The following H2BC5 variants were observed in gnomAD, a reference collection of about 807,000 sequenced individuals.
H2BC5 encodes the protein histone H2B type 1-D.
A neutral mutation model predicts 5.7 loss-of-function variants in H2BC5; 9 were observed. The ratio of observed to expected loss-of-function variants is 1.57; its 90% CI spans 0.95 to 2.74. H2BC5 has a LOEUF of 2.74. Ranked by LOEUF, H2BC5 falls within the 30% of genes most tolerant of loss-of-function variation. The pLI, the probability that H2BC5 is intolerant of heterozygous loss-of-function variation, is 0.00. For missense variants in H2BC5, 175 were observed against 168.8 expected, an observed-to-expected ratio of 1.04 and a Z score of -0.20; for synonymous variants, 133 against 70.9, an observed-to-expected ratio of 1.88 and a Z score of -4.40.
chr6:26,166,616 C>T (rs1235240359), intron 1 of H2BC5, among the ~76,000 whole-genome samples: 1 of 151,958 alleles, frequency 6.6e-6, no homozygotes, highest in Non-Finnish European at 1.5e-5. Flanking sequence ...AGAGGAAGCC[C>T]CTTTGGGGCA....
At chr6:26,168,934 CAG>C (rs1764479267) in intron 1 of H2BC5, among the ~76,000 whole-genome samples, 1 of 152,070 alleles carries the variant, frequency 6.6e-6, no homozygotes, top group South Asian at 2.1e-4. Flanking sequence ...GTCCGAGAAA[CAG>C]ATTGGGCCTT....
intron 1 of H2BC5, among the ~76,000 whole-genome samples, chr6:26,168,230 G>A (rs1290671153): frequency 2.0e-5 from 3 of 151,984 alleles, no homozygotes; most frequent in Non-Finnish European, 4.4e-5. Flanking sequence ...AGGCCAAGGC[G>A]GGCAGATCAC....
downstream of H2BC5, chr6:26,163,326 T>C (rs953403077): frequency 6.6e-6 from 1 of 152,152 alleles, no homozygotes; most frequent in Non-Finnish European, 1.5e-5. Flanking sequence ...AGTTTCATTA[T>C]AAAAATTATG....
chr6:26,170,618 A>G (rs959733115), intron 1 of H2BC5, among the ~76,000 whole-genome samples: 3 of 152,356 alleles, frequency 2.0e-5, no homozygotes, highest in Admixed American at 6.5e-5. Context: ...GCACTTAGCA[A>G]TATTTAACAG....
chr6:26,162,773 A>C (rs956951709), downstream of H2BC5, among the ~76,000 whole-genome samples: 11 of 152,164 alleles, frequency 7.2e-5, no homozygotes, highest in African/African-American at 2.7e-4. Flanking sequence ...TCCTGACCTC[A>C]AGTGATCTGC....
downstream of H2BC5, among the ~76,000 whole-genome samples, chr6:26,162,840 G>A (rs752154877): frequency 3.3e-4 from 50 of 151,902 alleles, no homozygotes; most frequent in Middle Eastern, 3.2e-3. Flanking sequence ...TGCCGAGCCC[G>A]GTAGTTTCCT....
intron 1 of H2BC5, among the ~76,000 whole-genome samples, chr6:26,167,148 T>C (rs996398393): frequency 1.4e-5 from 2 of 143,580 alleles, no homozygotes; most frequent in South Asian, 4.6e-4. Context: ...TTAGGACCGA[T>C]GTATCTGTGA....
chr6:26,163,917 A>G (rs548201025), intron 1 of H2BC5, among the ~76,000 whole-genome samples: 15 of 152,226 alleles, frequency 9.9e-5, no homozygotes, highest in South Asian at 2.1e-4. Flanking sequence ...CTGAGACTAC[A>G]GGTGTGAGCC....
Position 26,158,415 on chromosome 6 carries a change from G to T in H2BC5, c.246G>T (p.Ala82=). The change falls in exon 1 of 1, where the codon GCG becomes GCT. Residue 82 remains alanine (A), a synonymous_variant. Coordinates refer to ENST00000377777, the MANE Select transcript of H2BC5 (RefSeq NM_021063.4). ...ERIAGEASRL[A]HYNKRSTITS... Reference sequence around the variant, plus strand: ...TCGCAGGCGAGGCTTCCCGCCTGGCGCATTACAACAAGCGCTCGACCATCA... The same window carrying T: ...TCGCAGGCGAGGCTTCCCGCCTGGCTCATTACAACAAGCGCTCGACCATCA... 1.2e-6 allele frequency: 2 copies of T among 1,614,258 alleles called. No homozygotes were observed. The highest frequency in any genetic ancestry group is 1.7e-6 in the Non-Finnish European group (2 of 1,180,044).
chr6:26,169,810 T>G (rs2113839323), intron 1 of H2BC5, among the ~76,000 whole-genome samples: 1 of 151,542 alleles, frequency 6.6e-6, no homozygotes, highest in African/African-American at 2.4e-5. Flanking sequence ...AATACAAAAA[T>G]TAGCCAGGCA....
chr6:26,161,594 ACC>A (rs966097513), downstream of H2BC5, among the ~76,000 whole-genome samples: 22 of 151,810 alleles, frequency 1.4e-4, no homozygotes, highest in South Asian at 4.2e-4. Context: ...AATATGGCAA[ACC>A]CCCGACTCTA....
At chr6:26,163,236 C>T (rs148703135), downstream of H2BC5, 1 of 152,178 alleles carries the variant, frequency 6.6e-6, no homozygotes, top group African/African-American at 2.4e-5. Context: ...ACCTCAGCCT[C>T]CTGTGTAGCT....
intron 1 of H2BC5, among the ~76,000 whole-genome samples, chr6:26,167,809 G>T (rs1764454704): frequency 6.6e-6 from 1 of 151,996 alleles, no homozygotes; most frequent in Non-Finnish European, 1.5e-5. Context: ...TTGTCATCTG[G>T]CTTTGTAGAG....
chr6:26,163,547 C>T (rs1203405837), downstream of H2BC5: 2 of 152,070 alleles, frequency 1.3e-5, no homozygotes, highest in Admixed American at 1.3e-4. Flanking sequence ...TGGAGGATTC[C>T]CTTCCAAGGT....
At chr6:26,159,960 G>C (rs1308198593), downstream of H2BC5, among the ~76,000 whole-genome samples, 2 of 152,190 alleles carry the variant, frequency 1.3e-5, no homozygotes, top group Non-Finnish European at 2.9e-5. Context: ...AAACTGACCA[G>C]GGTATAGAGC....
At chr6:26,164,206 G>GT in intron 1 of H2BC5, 6 of 421,678 alleles carry the variant, frequency 1.4e-5, no homozygotes, top group South Asian at 1.3e-4. Flanking sequence ...GCAGGAAGCA[G>GT]TGCCCCTCTC....
At chr6:26,165,993 G>A (rs1217639267) in intron 1 of H2BC5, among the ~76,000 whole-genome samples, 1 of 152,224 alleles carries the variant, frequency 6.6e-6, no homozygotes, top group Non-Finnish European at 1.5e-5. Flanking sequence ...TAGGGAGGGT[G>A]ATGAAGGACT....
chr6:26,164,596 T>TTATATA (rs113707312), intron 1 of H2BC5, among the ~76,000 whole-genome samples: 64 of 147,782 alleles, frequency 4.3e-4, no homozygotes, highest in East Asian at 2.4e-3. Context: ...AAGGGAGATT[T>TTATATA]TATATATATA....
chr6:26,160,656 C>T (rs1764336560), downstream of H2BC5: 1 of 151,546 alleles, frequency 6.6e-6, no homozygotes, highest in East Asian at 1.9e-4. Context: ...ATCACAAGGT[C>T]AGGAGTTCGA....
Sources: allele counts gnomAD v4.1 joint callset (sites outside exome capture counted in the v4.1 genomes callset), GRCh38; gene constraint gnomAD v4.1.1; transcripts MANE v1.5; gene names NCBI Gene and HGNC (gene_info 2026-07-23, HGNC 2026-07-21).